RGS7: variants seen among roughly 807,000 people sequenced by gnomAD.
The protein encoded by RGS7 is regulator of G-protein signaling 7.
In RGS7, 27 loss-of-function variants were observed where a neutral mutation model predicts 81.1. The ratio of observed to expected loss-of-function variants is 0.33; its 90% CI spans 0.25 to 0.46. The LOEUF (loss-of-function observed/expected upper bound fraction) is 0.46, where lower values mean the gene tolerates loss of function less well. Among genes scored for constraint, RGS7 ranks in the 20% least tolerant of loss-of-function variants. The pLI is 1.00. For synonymous variants in RGS7, 208 were observed against 207.7 expected, an observed-to-expected ratio of 1.00 and a Z score of -0.01; for missense variants, 396 against 607.4, an observed-to-expected ratio of 0.65 and a Z score of 3.66.
intron 15 of RGS7, among the ~76,000 whole-genome samples, chr1:240,803,441 T>A (rs1408624806): frequency 1.1e-4 from 17 of 152,174 alleles, no homozygotes; most frequent in Admixed American, 1.0e-3. Flanking sequence ...CCCAGAAGAA[T>A]CAAATCATCT....
At chr1:241,304,446 G>A (rs906836515) in intron 2 of RGS7, among the ~76,000 whole-genome samples, 11 of 152,198 alleles carry the variant, frequency 7.2e-5, no homozygotes, top group African/African-American at 2.4e-4. Flanking sequence ...AGTTGTGAGT[G>A]TACTGGAGTT....
chr1:240,864,867 C>T (rs375441552), intron 9 of RGS7, among the ~76,000 whole-genome samples: 18 of 152,254 alleles, frequency 1.2e-4, no homozygotes, highest in African/African-American at 4.3e-4. Flanking sequence ...GGTTGTGATG[C>T]TCCTTGATTG....
At chr1:240,972,691 T>A (rs1488923166) in intron 4 of RGS7, among the ~76,000 whole-genome samples, 4 of 65,478 alleles carry the variant, frequency 6.1e-5, no homozygotes, top group Non-Finnish European at 9.1e-5. Context: ...AAACTTAAAG[T>A]ATAATAAAAA....
intron 2 of RGS7, among the ~76,000 whole-genome samples, chr1:241,341,870 C>CTTTATT (rs1553325645): frequency 1.1e-5 from 1 of 89,520 alleles, no homozygotes; most frequent in Non-Finnish European, 2.1e-5. Context: ...CTCTTCAACT[C>CTTTATT]TTTTTTTTTT....
At chr1:241,328,222 A>C (rs1310098275) in intron 2 of RGS7, among the ~76,000 whole-genome samples, 1 of 152,194 alleles carries the variant, frequency 6.6e-6, no homozygotes, top group Non-Finnish European at 1.5e-5. Context: ...ATATGTGGTA[A>C]GGGATTGTAT....
chr1:241,123,911 G>T (rs560268158), intron 2 of RGS7, among the ~76,000 whole-genome samples: 1 of 152,316 alleles, frequency 6.6e-6, no homozygotes, highest in Admixed American at 6.5e-5. Context: ...AAGAGGGCCT[G>T]CCCCTGGAGA....
intron 2 of RGS7, among the ~76,000 whole-genome samples, chr1:241,103,088 A>C (rs1490203368): frequency 2.0e-5 from 3 of 152,068 alleles, no homozygotes; most frequent in Non-Finnish European, 4.4e-5. Flanking sequence ...AATAAATATG[A>C]AAATATTTGG....
At chr1:241,159,465 CTCCAGGGAAATATAGCCCTTCCTTCCT>C (rs537451729) in intron 2 of RGS7, among the ~76,000 whole-genome samples, 18 of 152,230 alleles carry the variant, frequency 1.2e-4, no homozygotes, top group Admixed American at 2.6e-4. Context: ...TTTCCAAATT[CTCCAGGGAAATATAGCCCTTCCTTCCT>C]TCCATCCATC....
intron 18 of RGS7, among the ~76,000 whole-genome samples, chr1:240,796,452 G>A (rs898864230): frequency 2.0e-5 from 3 of 152,152 alleles, no homozygotes; most frequent in African/African-American, 7.2e-5. Context: ...TTGGGAAGCT[G>A]AGGTGGGCAG....
intron 3 of RGS7, among the ~76,000 whole-genome samples, chr1:241,035,217 C>T (rs962714548): frequency 1.3e-5 from 2 of 151,938 alleles, no homozygotes; most frequent in African/African-American, 2.4e-5. Context: ...GTCTGAAGCT[C>T]GAAAATGCTC....
intron 2 of RGS7, among the ~76,000 whole-genome samples, chr1:241,321,750 T>G (rs2081227077): frequency 6.6e-6 from 1 of 152,168 alleles, no homozygotes; most frequent in African/African-American, 2.4e-5. Context: ...TATAATCTAT[T>G]ATATACATAG....
chr1:241,063,836 T>C (rs1376328053), intron 3 of RGS7, among the ~76,000 whole-genome samples: 1 of 152,124 alleles, frequency 6.6e-6, no homozygotes, highest in African/African-American at 2.4e-5. Context: ...AATTTACCTG[T>C]ATTGAAGAAT....
At chr1:241,216,248 G>A (rs1347550598) in intron 2 of RGS7, among the ~76,000 whole-genome samples, 3 of 151,570 alleles carry the variant, frequency 2.0e-5, no homozygotes, top group Admixed American at 1.3e-4. Context: ...CTCCAGCCTG[G>A]GTGACAAAGC....
chr1:240,956,323 T>A (rs1234760794), intron 4 of RGS7, among the ~76,000 whole-genome samples: 5 of 150,398 alleles, frequency 3.3e-5, no homozygotes, highest in East Asian at 3.9e-4. Context: ...AAAAAAAAAA[T>A]TGAATTAAGT....
chr1:240,817,656 G>T (rs972908573), intron 10 of RGS7, among the ~76,000 whole-genome samples: 2 of 152,086 alleles, frequency 1.3e-5, no homozygotes, highest in Non-Finnish European at 2.9e-5. Context: ...AGGCTGGAGT[G>T]CAGTGGCGTA....
At chr1:240,819,417 C>T (rs1457831486) in intron 10 of RGS7, among the ~76,000 whole-genome samples, 1 of 152,122 alleles carries the variant, frequency 6.6e-6, no homozygotes, top group Non-Finnish European at 1.5e-5. Flanking sequence ...ATGATTTCAA[C>T]ATTTATGCAT....
chr1:241,327,071 AGGAAGGAAG>A (rs2081586579), intron 2 of RGS7, among the ~76,000 whole-genome samples: 2 of 33,774 alleles, frequency 5.9e-5, no homozygotes, highest in African/African-American at 2.3e-4. Flanking sequence ...GAAGGAAGGA[AGGAAGGAAG>A]AGAAAGAAAG....
intron 10 of RGS7, among the ~76,000 whole-genome samples, chr1:240,818,571 T>TA (rs1691222921): frequency 6.6e-6 from 1 of 152,206 alleles, no homozygotes; most frequent in Non-Finnish European, 1.5e-5. Flanking sequence ...GTTGATTTCT[T>TA]AAAAATTATG....
At chr1:240,972,304 C>T (rs1237950092) in intron 4 of RGS7, among the ~76,000 whole-genome samples, 14 of 151,054 alleles carry the variant, frequency 9.3e-5, no homozygotes, top group Non-Finnish European at 1.8e-4. Flanking sequence ...GCCAAATGTC[C>T]AACAATGATA....
Sources: gnomAD v4.1 joint callset for allele counts (sites outside exome capture counted in the v4.1 genomes callset) on GRCh38, gnomAD v4.1.1 for gene constraint, MANE v1.5 for transcripts, NCBI Gene and HGNC (gene_info 2026-07-23, HGNC 2026-07-21) for gene names.